The following NUP107 variants were observed in gnomAD, a reference collection of about 807,000 sequenced individuals.
The protein encoded by NUP107 is nucleoporin 107.
In NUP107, 101 loss-of-function variants were observed where a neutral mutation model predicts 141.0. The observed-to-expected ratio is 0.72, with a 90% CI of 0.61 to 0.84. The LOEUF is 0.84. Among genes scored for constraint, NUP107 ranks in the 40% least tolerant of loss-of-function variants. The pLI, the probability that NUP107 is intolerant of heterozygous loss-of-function variation, is 0.00. For synonymous variants in NUP107, 319 were observed against 363.9 expected (o/e 0.88, Z 1.41); for missense variants, 941 against 1,102.7 (o/e 0.85, Z 2.08).
At chr12:68,693,581 TCTC>T (rs1047542251) in intron 5 of NUP107, among the ~76,000 whole-genome samples, 17 of 152,218 alleles carry the variant, frequency 1.1e-4, no homozygotes, top group African/African-American at 3.1e-4. Context: ...TGAAGCCTCT[TCTC>T]TTGGCTTACA....
At chr12:68,691,671 C>G (rs962134414) in intron 4 of NUP107, among the ~76,000 whole-genome samples, 2 of 151,572 alleles carry the variant, frequency 1.3e-5, no homozygotes, top group African/African-American at 2.4e-5. Context: ...CCATACCTAC[C>G]AAAAATACAA....
intron 22 of NUP107, among the ~76,000 whole-genome samples, chr12:68,731,935 G>T (rs944994386): frequency 6.6e-6 from 1 of 152,084 alleles, no homozygotes; most frequent in Non-Finnish European, 1.5e-5. Context: ...AAAAATCTCA[G>T]CTTTGGCTTG....
At position 68,743,449 on chromosome 12, in the gene NUP107, C is replaced by G. The variant is rs1878402030; in HGVS notation, c.*987C>G. On this transcript the variant is annotated 3_prime_UTR_variant, in exon 28 of 28. Coordinates refer to ENST00000229179, the MANE Select transcript of NUP107 (RefSeq NM_020401.4). ...TAGTCTGAGCAGGAAGAACCTCTCT[C>G]CAGCTGAAAAGACTCTCAGGAAGTA... 6.6e-6 allele frequency: 1 copy of G among 152,194 alleles called. No individual in the cohort carries two copies. The allele number at this position is 152,194 out of a possible 1,614,324, so 9.4% of individuals were successfully genotyped here. A position where few individuals can be genotyped will look rare whatever the true frequency, so the allele number is the denominator to read the frequency against.
At chr12:68,713,059 A>T (rs1876937742) in intron 10 of NUP107, among the ~76,000 whole-genome samples, 2 of 152,040 alleles carry the variant, frequency 1.3e-5, no homozygotes, top group South Asian at 4.2e-4. Context: ...ACTTTATCAA[A>T]ATTAAAAATG....
At chr12:68,722,414 T>C (rs1877394109) in intron 17 of NUP107, among the ~76,000 whole-genome samples, 1 of 152,136 alleles carries the variant, frequency 6.6e-6, no homozygotes, top group South Asian at 2.1e-4. Context: ...TTATGGAAAA[T>C]TATTAAGACT....
At chr12:68,732,807 G>A in intron 23 of NUP107, 68 bp downstream of exon 23, 7 of 1,099,766 alleles carry the variant, frequency 6.4e-6, no homozygotes, top group Non-Finnish European at 9.4e-6. Context: ...AGCCTCCCAA[G>A]TAGCTGGGAC....
intron 24 of NUP107, 27 bp from the exon 25 acceptor site, chr12:68,734,681 T>C: frequency 6.8e-7 from 1 of 1,479,468 alleles, no homozygotes; most frequent in Non-Finnish European, 9.1e-7. Context: ...TTATTTTATA[T>C]TTTGGTTTTT....
intron 17 of NUP107, 84 bp downstream of exon 17, chr12:68,722,236 T>G: frequency 2.7e-6 from 3 of 1,111,048 alleles, no homozygotes; most frequent in South Asian, 1.7e-5. Context: ...AGGAAAAAGG[T>G]GGAACTTTCT....
intron 12 of NUP107, among the ~76,000 whole-genome samples, chr12:68,718,521 A>G (rs942520116): frequency 6.6e-6 from 1 of 152,158 alleles, no homozygotes; most frequent in Non-Finnish European, 1.5e-5. Context: ...GTTTTTCATA[A>G]ATCAGAGGTC....
At chr12:68,719,491 A>G (rs992919246) in intron 13 of NUP107, 60 bp downstream of exon 13, 19 of 1,551,728 alleles carry the variant, frequency 1.2e-5, no homozygotes, top group Non-Finnish European at 1.5e-5. Context: ...CTAAATGCCA[A>G]TCTTTGTGAA....
rs756700880 is a variant in NUP107, at chr12:68,730,214, C to CTTTTTTTTTTTTTTT, written c.1735-889_1735-875dup. Among the ~76,000 whole-genome samples, 32 of 85,382 alleles carry CTTTTTTTTTTTTTTT rather than the reference C, an allele frequency of 3.7e-4. 4 individuals carry two copies. The highest frequency in any genetic ancestry group is 6.2e-4 in the Non-Finnish European group (28 of 45,472). 56.0% of individuals were successfully genotyped at this position (85,382 alleles called of 152,430 possible). ...CTCCTGCCCTCAGGGGTGATACTAC[C>CTTTTTTTTTTTTTTT]TTTTTTTTTTTTTTTTTTTTTGAGA... On this transcript the variant is annotated intron_variant, in intron 20 of 27. Coordinates refer to ENST00000229179, the MANE Select transcript of NUP107 (RefSeq NM_020401.4).
At chr12:68,719,786 G>C in intron 14 of NUP107, 132 bp downstream of exon 14, 2 of 664,454 alleles carry the variant, frequency 3.0e-6, no homozygotes, top group South Asian at 1.8e-5. Flanking sequence ...TGAGGAATAG[G>C]CTTAACTACT....
intron 3 of NUP107, 48 bp from the exon 4 acceptor site, chr12:68,690,583 T>G (rs777933073): frequency 6.2e-7 from 1 of 1,611,808 alleles, no homozygotes; most frequent in Non-Finnish European, 8.5e-7. Context: ...GTTTTGATAA[T>G]GAATGCTCAC....
Position 68,698,783 on chromosome 12 carries a change from G to A in NUP107, c.552+1861G>A, listed in dbSNP as rs1232060294. Among the ~76,000 whole-genome samples the A allele has an allele frequency of 9.8e-5, 15 of 152,304 alleles. 1 individual carries two copies. Among genetic ancestry groups the A allele is most frequent in the Admixed American group, 7.2e-4 (11 of 15,292 alleles). ...GATCATCAGTTGCCAGGAGTTAGTT[G>A]CGAGGGAGCAATGAATAGGTAGAAC... On this transcript the variant is annotated intron_variant, in intron 6 of 27. Coordinates refer to ENST00000229179, the MANE Select transcript of NUP107 (RefSeq NM_020401.4).
At chr12:68,705,532 T>TA (rs34838748) in intron 8 of NUP107, 49,069 of 209,292 alleles carry the variant, frequency 0.23, 5,123 homozygotes, top group Non-Finnish European at 0.29. Context: ...AAGTATTCTT[T>TA]AAAAAAAAAA....
At position 68,696,849 on chromosome 12, in the gene NUP107, A is replaced by C; in HGVS notation, c.479A>C (p.Gln160Pro). 1 of 1,602,604 alleles carries C rather than the reference A, an allele frequency of 6.2e-7. No homozygotes were observed. The highest frequency in any genetic ancestry group is 2.2e-5 in the East Asian group (1 of 44,664). ...ATGAGTATGTTTTCTGATTTCCTGC[A>C]GTCTTTTCTGAAGCACTCTTCGAGT... ...ASMSMFSDFLQSFLKHSSSTV... is the reference protein window; with the variant it reads ...ASMSMFSDFLPSFLKHSSSTV... Residue 160 changes from glutamine to proline, a missense_variant, in exon 6 of 28, where the codon CAG becomes CCG. Gln to Pro is a moderately conservative substitution (Grantham distance 76). Coordinates refer to ENST00000229179, the MANE Select transcript of NUP107 (RefSeq NM_020401.4).
intron 12 of NUP107, among the ~76,000 whole-genome samples, chr12:68,718,847 TATG>T (rs1331726884): frequency 1.1e-4 from 2 of 17,792 alleles, no homozygotes; most frequent in South Asian, 4.5e-3. Flanking sequence ...AGAATGCCAT[TATG>T]TATGTATGTA....
chr12:68,738,365 G>C (rs962031076), intron 26 of NUP107, among the ~76,000 whole-genome samples: 1 of 147,118 alleles, frequency 6.8e-6, no homozygotes, highest in Non-Finnish European at 1.5e-5. Context: ...CAGGAGAATC[G>C]ATTGAACCCA....
At chr12:68,706,818 A>T in intron 8 of NUP107, 1 of 758,524 alleles carries the variant, frequency 1.3e-6, no homozygotes, top group Non-Finnish European at 2.4e-6. Context: ...GAGGATGAGG[A>T]GAGCCAGCTG....
Sources: gnomAD v4.1 joint callset for allele counts (sites outside exome capture counted in the v4.1 genomes callset) on GRCh38, gnomAD v4.1.1 for gene constraint, MANE v1.5 for transcripts, NCBI Gene and HGNC (gene_info 2026-07-23, HGNC 2026-07-21) for gene names.